The following KPNA5 variants were observed in gnomAD, a reference collection of about 807,000 sequenced individuals.
KPNA5 encodes the protein karyopherin subunit alpha 5, also known as importin subunit alpha-6.
A neutral mutation model predicts 71.3 loss-of-function variants in KPNA5; 46 were observed. That is an observed-to-expected ratio of 0.65 (90% confidence interval 0.51 to 0.83). The LOEUF (loss-of-function observed/expected upper bound fraction) is 0.83, where lower values mean the gene tolerates loss of function less well. Among genes scored for constraint, KPNA5 ranks in the 40% least tolerant of loss-of-function variants. KPNA5 has a pLI of 0.00. For synonymous variants in KPNA5, 207 were observed against 201.4 expected, an observed-to-expected ratio of 1.03 and a Z score of -0.24; for missense variants, 547 against 628.3, an observed-to-expected ratio of 0.87 and a Z score of 1.38.
rs1779527899 is a variant in KPNA5, at chr6:116,732,222, G to A, written c.1519G>A (p.Val507Ile). 1.3e-6 allele frequency: 2 copies of A among 1,593,556 alleles called. No homozygotes were observed. The highest frequency in any genetic ancestry group is 2.3e-5 in the South Asian group (2 of 87,480). The change falls in exon 14 of 14, where the codon GTA becomes ATA. Residue 507 changes from valine (V) to isoleucine (I), a missense_variant. Transcript: ENST00000368564. Reference sequence around the variant, plus strand: ...TGATCTGATTGAACATTACTTTGGTGTAGAAGAAGATGACCCCAGCATTGT... The same window carrying A: ...TGATCTGATTGAACATTACTTTGGTATAGAAGAAGATGACCCCAGCATTGT... ...AFDLIEHYFGVEEDDPSIVPQ... is the reference protein window; with the variant it reads ...AFDLIEHYFGIEEDDPSIVPQ...
chr6:116,705,420 A>G (rs1473965322), intron 7 of KPNA5, among the ~76,000 whole-genome samples: 1 of 152,220 alleles, frequency 6.6e-6, no homozygotes, highest in Non-Finnish European at 1.5e-5. Flanking sequence ...AAAAACAAGG[A>G]TATATAGTAG....
chr6:116,707,883 A>G (rs1778508192), intron 7 of KPNA5, among the ~76,000 whole-genome samples: 1 of 152,194 alleles, frequency 6.6e-6, no homozygotes, highest in Non-Finnish European at 1.5e-5. Flanking sequence ...TTACCACCTT[A>G]AACAGAAACC....
intron 4 of KPNA5, among the ~76,000 whole-genome samples, chr6:116,693,031 C>G (rs1777866845): frequency 6.6e-6 from 1 of 152,112 alleles, no homozygotes; most frequent in Non-Finnish European, 1.5e-5. Context: ...TGATGGTTTC[C>G]AGCTTCATCC....
Position 116,729,551 on chromosome 6 carries a change from A to G in KPNA5, c.1254-12A>G. ...TTTTTCCCTGTTTCTTCTCTTTTATATTAATCTGAAGGTATTTGGTAGCTT... is the reference window on the plus strand; with the variant it reads ...TTTTTCCCTGTTTCTTCTCTTTTATGTTAATCTGAAGGTATTTGGTAGCTT... On this transcript the variant is annotated splice_polypyrimidine_tract_variant and intron_variant, in intron 12 of 13. Coordinates refer to ENST00000368564, the MANE Select transcript of KPNA5 (RefSeq NM_001366306.2). 1 of 1,447,014 alleles carries G rather than the reference A, an allele frequency of 6.9e-7. No homozygotes were observed. Among genetic ancestry groups the G allele is most frequent in the Non-Finnish European group, 9.2e-7 (1 of 1,088,800 alleles). The allele number at this position is 1,447,014 out of a possible 1,614,324, so 89.6% of individuals were successfully genotyped here. A position where few individuals can be genotyped will look rare whatever the true frequency, so the allele number is the denominator to read the frequency against.
chr6:116,701,141 C>A (rs1446652620), intron 5 of KPNA5, among the ~76,000 whole-genome samples: 4 of 152,032 alleles, frequency 2.6e-5, no homozygotes, highest in Non-Finnish European at 5.9e-5. Flanking sequence ...AGTAACTGTA[C>A]TTTTTAATAT....
chr6:116,696,235 C>T (rs2114393545), intron 4 of KPNA5, among the ~76,000 whole-genome samples: 1 of 152,254 alleles, frequency 6.6e-6, no homozygotes, highest in East Asian at 1.9e-4. Flanking sequence ...GTTGGACATA[C>T]AGCAAGGAGT....
Position 116,727,430 on chromosome 6 carries a change from CACAAT to C in KPNA5, c.1253+813_1253+817del, listed in dbSNP as rs1195234108. ...CTACAAAATAATGCAAATTTAAAAA[CACAAT>C]ACAACAATTAGTAACATCATAGCAA... On this transcript the variant is annotated intron_variant, in intron 12 of 13. Coordinates refer to ENST00000368564, the MANE Select transcript of KPNA5 (RefSeq NM_001366306.2). Among the ~76,000 whole-genome samples the C allele has an allele frequency of 3.9e-5, 6 of 151,910 alleles. No homozygotes were observed. The South Asian group carries it at 8.3e-4, about 21-fold the overall frequency.
chr6:116,690,564 A>C (rs1294509780), intron 2 of KPNA5, among the ~76,000 whole-genome samples: 2 of 151,020 alleles, frequency 1.3e-5, no homozygotes, highest in African/African-American at 2.4e-5. Flanking sequence ...AATGGCGTGA[A>C]TTCGGGAGGC....
In KPNA5 at chr6:116,739,784, G is replaced by C. The variant is rs1192878563; in HGVS notation, c.*7461G>C. 1.3e-5 allele frequency: 2 copies of C among 151,472 alleles called. No individual in the cohort carries two copies. The highest frequency in any genetic ancestry group is 2.9e-5 in the Non-Finnish European group (2 of 67,822). The allele number at this position is 151,472 out of a possible 1,614,324, so 9.4% of individuals were successfully genotyped here. On this transcript the variant is annotated 3_prime_UTR_variant, in exon 14 of 14. Coordinates refer to ENST00000368564, the MANE Select transcript of KPNA5 (RefSeq NM_001366306.2). ...TTTAATAAATGGTGCTGGGAAAACTGGCTAGCCATATGTAGAAAGCTGAAA... is the reference window on the plus strand; with the variant it reads ...TTTAATAAATGGTGCTGGGAAAACTCGCTAGCCATATGTAGAAAGCTGAAA...
rs1410702627 is a variant in KPNA5 at position 116,710,890 on chromosome 6, TA to T, written c.657-5328del. Among the ~76,000 whole-genome samples the T allele has an allele frequency of 2.4e-3, 173 of 70,922 alleles. 1 individual carries two copies. The highest frequency in any genetic ancestry group is 0.013 in the South Asian group (20 of 1,576). 46.5% of individuals were successfully genotyped at this position (70,922 alleles called of 152,430 possible). A position where few individuals can be genotyped will look rare whatever the true frequency, so the allele number is the denominator to read the frequency against. ...ATATTATTTTATATATATATATATA[TA>T]TATTTTTTTTTTTTTTTTTTTGAGT... On this transcript the variant is annotated intron_variant, in intron 7 of 13. Transcript: ENST00000368564.
intron 6 of KPNA5, among the ~76,000 whole-genome samples, chr6:116,702,617 C>T (rs978881131): frequency 2.0e-5 from 3 of 151,960 alleles, no homozygotes; most frequent in Non-Finnish European, 2.9e-5. Context: ...TGCAGAGAGC[C>T]GAGATCATGC....
At chr6:116,701,231 T>A (rs1381101154) in intron 5 of KPNA5, among the ~76,000 whole-genome samples, 1 of 152,188 alleles carries the variant, frequency 6.6e-6, no homozygotes, top group Non-Finnish European at 1.5e-5. Context: ...ATGTGAAATA[T>A]TAAAAAAATT....
intron 1 of KPNA5, 197 bp downstream of exon 1, chr6:116,681,535 T>A: frequency 7.4e-7 from 1 of 1,346,070 alleles, no homozygotes; most frequent in Non-Finnish European, 9.5e-7. Context: ...ACCTTTCCCT[T>A]GCGGACGCGA....
chr6:116,690,412 T>C (rs1476906809), intron 2 of KPNA5, among the ~76,000 whole-genome samples: 1 of 152,120 alleles, frequency 6.6e-6, no homozygotes, highest in Admixed American at 6.5e-5. Flanking sequence ...CCCAGCACTT[T>C]GGGAGGCTGA....
chr6:116,710,462 G>A lies in KPNA5; in HGVS notation c.656+5302G>A, dbSNP rs118010150. ...GGGTACACGCGGTGTTTTGATACAG[G>A]CATTCAATGTGAAATAAGCACATAA... On this transcript the variant is annotated intron_variant, in intron 7 of 13. Transcript: ENST00000368564. Among the ~76,000 whole-genome samples, 625 of 152,182 alleles carry A rather than the reference G, an allele frequency of 4.1e-3. 3 individuals are homozygous for A. Among genetic ancestry groups the A allele is most frequent in the Middle Eastern group, 6.8e-3 (2 of 294 alleles).
Position 116,737,303 on chromosome 6 carries a change from C to A in KPNA5, c.*4980C>A, listed in dbSNP as rs1779708771. ...AACTGTTCCTGATCATTGTGGGCTC[C>A]AAAAATTGTTTCCCCTTGTGCTTTC... On this transcript the variant is annotated 3_prime_UTR_variant, in exon 14 of 14. Coordinates refer to ENST00000368564, the MANE Select transcript of KPNA5 (RefSeq NM_001366306.2). 1 of 151,956 alleles carries A rather than the reference C, an allele frequency of 6.6e-6. No homozygotes were observed. Among genetic ancestry groups the A allele is most frequent in the African/African-American group, 2.4e-5 (1 of 41,392 alleles). 9.4% of individuals were successfully genotyped at this position (151,956 alleles called of 1,614,324 possible).
In KPNA5 at chr6:116,737,187, A is replaced by G. The variant is rs573944462; in HGVS notation, c.*4864A>G. The G allele has an allele frequency of 1.2e-4, 19 of 152,004 alleles. No homozygotes were observed. The highest frequency in any genetic ancestry group is 2.4e-4 in the Non-Finnish European group (16 of 67,926). 9.4% of individuals were successfully genotyped at this position (152,004 alleles called of 1,614,324 possible). On this transcript the variant is annotated 3_prime_UTR_variant, in exon 14 of 14. Transcript: ENST00000368564. ...AAACTTTGTAAGGCAGGCACAGAAC[A>G]ACGTTTATTTTACTGCTGAGTCAGT... is the stretch of plus-strand genomic sequence containing the variant.
At chr6:116,694,246 T>C (rs1047476451) in intron 4 of KPNA5, among the ~76,000 whole-genome samples, 4 of 152,182 alleles carry the variant, frequency 2.6e-5, no homozygotes, top group Non-Finnish European at 5.9e-5. Flanking sequence ...ATATGAACTT[T>C]AAAGTAGTTT....
rs1471855113 is a variant in KPNA5 at position 116,734,991 on chromosome 6, A to C, written c.*2668A>C. The C allele has an allele frequency of 3.3e-5, 5 of 151,642 alleles. No individual in the cohort carries two copies. Among genetic ancestry groups the C allele is most frequent in the African/African-American group, 1.2e-4 (5 of 41,392 alleles). 9.4% of individuals were successfully genotyped at this position (151,642 alleles called of 1,614,324 possible). A position where few individuals can be genotyped will look rare whatever the true frequency, so the allele number is the denominator to read the frequency against. Reference sequence around the variant, plus strand: ...TGGTGTTTTATTTTGTCTGAATCTGAATTTCTCCTATTTAATCTATGCAAT... The same window carrying C: ...TGGTGTTTTATTTTGTCTGAATCTGCATTTCTCCTATTTAATCTATGCAAT... On this transcript the variant is annotated 3_prime_UTR_variant, in exon 14 of 14. Transcript: ENST00000368564.
Sources: allele counts gnomAD v4.1 joint callset (sites outside exome capture counted in the v4.1 genomes callset), GRCh38; gene constraint gnomAD v4.1.1; transcripts MANE v1.5; gene names NCBI Gene and HGNC (gene_info 2026-07-23, HGNC 2026-07-21).